Variants in NCALD observed in about 807,000 individuals in gnomAD.
NCALD encodes neurocalcin-delta.
In NCALD, 10 loss-of-function variants were observed where a neutral mutation model predicts 18.6. The observed-to-expected ratio is 0.54, with a 90% CI of 0.33 to 0.91. NCALD has a LOEUF of 0.91. Ranked by LOEUF, NCALD falls within the 40% of genes least tolerant of loss-of-function variation. The probability of loss-of-function intolerance (pLI) is 0.03; values close to 1 mark genes in which losing one functional copy is unlikely to be tolerated. For missense variants in NCALD, 184 were observed against 247.6 expected (o/e 0.74, Z 1.72); for synonymous variants, 88 against 87.4 (o/e 1.01, Z -0.04).
chr8:101,904,838 C>T (rs1453566003), intron 3 of NCALD, among the ~76,000 whole-genome samples: 1 of 152,168 alleles, frequency 6.6e-6, no homozygotes, highest in African/African-American at 2.4e-5. Context: ...CTGAAACCCA[C>T]TCTGCCCTTT....
chr8:101,757,904 C>G (rs1339830119), intron 1 of NCALD, among the ~76,000 whole-genome samples: 1 of 152,034 alleles, frequency 6.6e-6, no homozygotes, highest in Admixed American at 6.6e-5. Flanking sequence ...TTTTTTAGAG[C>G]CTCCCACCTC....
chr8:101,936,123 T>C (rs1256003716), intron 2 of NCALD, among the ~76,000 whole-genome samples: 1 of 151,994 alleles, frequency 6.6e-6, no homozygotes, highest in Non-Finnish European at 1.5e-5. Context: ...AGGAGGGGGT[T>C]GGTTTGAGGT....
intron 4 of NCALD, among the ~76,000 whole-genome samples, chr8:101,856,549 T>C (rs2131351478): frequency 6.6e-6 from 1 of 152,204 alleles, no homozygotes; most frequent in African/African-American, 2.4e-5. Context: ...GAAATGGTGC[T>C]GCTATTAAGA....
intron 4 of NCALD, among the ~76,000 whole-genome samples, chr8:101,825,343 C>T (rs1320335503): frequency 2.6e-5 from 4 of 152,216 alleles, no homozygotes; most frequent in African/African-American, 4.8e-5. Flanking sequence ...CAGTCTAGTT[C>T]GTCCACACAT....
intron 3 of NCALD, chr8:101,692,098 G>A: frequency 1.0e-6 from 1 of 974,678 alleles, no homozygotes; most frequent in East Asian, 1.1e-4. Flanking sequence ...AACTGTTGCT[G>A]TTTATCTGAA....
At chr8:102,090,465 GAGGA>G (rs1236469891) in intron 1 of NCALD, among the ~76,000 whole-genome samples, 1 of 152,112 alleles carries the variant, frequency 6.6e-6, no homozygotes, top group Non-Finnish European at 1.5e-5. Context: ...GATTAGAATA[GAGGA>G]AAAACTTTCA....
intron 2 of NCALD, among the ~76,000 whole-genome samples, chr8:101,950,602 A>G (rs1819376411): frequency 6.6e-6 from 1 of 152,218 alleles, no homozygotes. Flanking sequence ...ATGCTTGGCT[A>G]AGAGACTTCC....
At chr8:101,708,389 T>C (rs1352451305) in intron 2 of NCALD, among the ~76,000 whole-genome samples, 1 of 152,254 alleles carries the variant, frequency 6.6e-6, no homozygotes, top group Non-Finnish European at 1.5e-5. Flanking sequence ...CCCTTTTCTT[T>C]GTGAACAAAC....
At chr8:102,110,958 T>C (rs554490552) in intron 1 of NCALD, among the ~76,000 whole-genome samples, 11 of 152,042 alleles carry the variant, frequency 7.2e-5, no homozygotes, top group Non-Finnish European at 1.5e-4. Flanking sequence ...TTGGGACGTA[T>C]GGTTAAATGA....
intron 1 of NCALD, among the ~76,000 whole-genome samples, chr8:102,023,529 G>T (rs1358418027): frequency 1.3e-5 from 2 of 152,216 alleles, no homozygotes; most frequent in Non-Finnish European, 2.9e-5. Flanking sequence ...TCCCAAGGGG[G>T]AATCTAGCAG....
intron 4 of NCALD, among the ~76,000 whole-genome samples, chr8:101,865,225 CTCAA>C (rs908248371): frequency 3.3e-5 from 5 of 152,192 alleles, no homozygotes; most frequent in African/African-American, 4.8e-5. Context: ...TATCATTATT[CTCAA>C]TCAATTTTAT....
chr8:101,792,006 G>A (rs538744301), upstream of NCALD, among the ~76,000 whole-genome samples: 7 of 152,078 alleles, frequency 4.6e-5, no homozygotes, highest in African/African-American at 1.4e-4. Context: ...ATGGGAAGCC[G>A]ATTAAACAAA....
intron 4 of NCALD, among the ~76,000 whole-genome samples, chr8:101,812,245 T>TATCACCAAAGCAGTCTATGAATCAAGCTC (rs1256015074): frequency 6.6e-6 from 1 of 152,168 alleles, no homozygotes. Context: ...CCCTTATTAC[T>TATCACCAAAGCAGTCTATGAATCAAGCTC]ATCACCAAAG....
chr8:102,103,237 C>T (rs1386265218), intron 1 of NCALD, among the ~76,000 whole-genome samples: 1 of 238 alleles, frequency 4.2e-3, no homozygotes, highest in Non-Finnish European at 0.016. Flanking sequence ...TCTCCCTAAA[C>T]ACACTCTACC....
At chr8:102,068,706 C>CT (rs112017507) in intron 1 of NCALD, among the ~76,000 whole-genome samples, 10 of 151,382 alleles carry the variant, frequency 6.6e-5, no homozygotes, top group African/African-American at 1.7e-4. Flanking sequence ...AATATTTCTT[C>CT]TTTTTTTTCC....
At chr8:101,765,475 A>C (rs1355408050) in intron 1 of NCALD, among the ~76,000 whole-genome samples, 1 of 152,226 alleles carries the variant, frequency 6.6e-6, no homozygotes, top group African/African-American at 2.4e-5. Flanking sequence ...ACCAAGAATA[A>C]ATCCATCTGC....
At chr8:101,770,570 A>G (rs144375602) in intron 1 of NCALD, among the ~76,000 whole-genome samples, 20 of 152,304 alleles carry the variant, frequency 1.3e-4, no homozygotes, top group African/African-American at 4.6e-4. Context: ...AGTAGTTGCT[A>G]CTTCTTTACC....
At chr8:101,817,198 C>A (rs1210675410) in intron 4 of NCALD, among the ~76,000 whole-genome samples, 4 of 152,164 alleles carry the variant, frequency 2.6e-5, no homozygotes, top group African/African-American at 9.7e-5. Flanking sequence ...AGCCCCTGTT[C>A]TTCCTTCTGG....
intron 4 of NCALD, among the ~76,000 whole-genome samples, chr8:101,812,839 A>G (rs916131860): frequency 1.3e-5 from 2 of 152,124 alleles, no homozygotes; most frequent in African/African-American, 4.8e-5. Flanking sequence ...CATACCAATA[A>G]TTCCTCTTTT....
Sources: allele counts gnomAD v4.1 joint callset (sites outside exome capture counted in the v4.1 genomes callset), GRCh38; gene constraint gnomAD v4.1.1; transcripts MANE v1.5; gene names NCBI Gene and HGNC (gene_info 2026-07-23, HGNC 2026-07-21).